The following SRGAP3 variants were observed in gnomAD, a reference collection of about 807,000 sequenced individuals.
SRGAP3 encodes the protein SLIT-ROBO Rho GTPase-activating protein 3.
In SRGAP3, 39 loss-of-function variants were observed where a neutral mutation model predicts 121.1. The observed-to-expected ratio is 0.32, with a 90% CI of 0.25 to 0.42. The LOEUF (loss-of-function observed/expected upper bound fraction) is 0.42. Ranked by LOEUF, SRGAP3 falls within the 10% of genes least tolerant of loss-of-function variation. SRGAP3 has a pLI of 1.00. For missense variants in SRGAP3, 1,213 were observed against 1,470.6 expected (o/e 0.82, Z 2.86); for synonymous variants, 601 against 570.0 (o/e 1.05, Z -0.77).
intron 6 of SRGAP3, chr3:9,058,689 C>A: frequency 1.8e-6 from 1 of 557,534 alleles, no homozygotes; most frequent in Non-Finnish European, 3.2e-6. Context: ...ACTAGGTTCC[C>A]TATATTCACC....
At chr3:9,035,495 C>T (rs1006719996) in intron 11 of SRGAP3, 2 of 180,748 alleles carry the variant, frequency 1.1e-5, no homozygotes, top group South Asian at 2.0e-4. Flanking sequence ...AAATCTATAT[C>T]GACTTACTGA....
At chr3:9,321,415 A>G (rs1293561526) in intron 3 of SRGAP3, among the ~76,000 whole-genome samples, 1 of 151,998 alleles carries the variant, frequency 6.6e-6, no homozygotes, top group Non-Finnish European at 1.5e-5. Context: ...AACTAATACA[A>G]GGACAAAACA....
chr3:9,136,122 C>T (rs915083897), intron 1 of SRGAP3, among the ~76,000 whole-genome samples: 1 of 152,250 alleles, frequency 6.6e-6, no homozygotes, highest in African/African-American at 2.4e-5. Context: ...CTTCCAGCCT[C>T]TCTGTGCTGG....
At chr3:9,346,182 T>G (rs1480630302) in intron 1 of SRGAP3, among the ~76,000 whole-genome samples, 1 of 152,144 alleles carries the variant, frequency 6.6e-6, no homozygotes, top group Admixed American at 6.5e-5. Flanking sequence ...TTCCACAATT[T>G]TCAAGGATTT....
At chr3:9,019,398 G>A (rs577327263) in intron 14 of SRGAP3, among the ~76,000 whole-genome samples, 1 of 152,322 alleles carries the variant, frequency 6.6e-6, no homozygotes, top group African/African-American at 2.4e-5. Context: ...TTTGCCAGTT[G>A]GACAAGGGAA....
chr3:9,084,258 T>C (rs990163454), intron 3 of SRGAP3, among the ~76,000 whole-genome samples: 1 of 152,274 alleles, frequency 6.6e-6, no homozygotes. Context: ...AGGAATTCAT[T>C]CCTCCAGGAG....
Position 9,058,644 on chromosome 3 carries a change from A to C in SRGAP3, c.802-172T>G. On this transcript the variant is annotated intron_variant, in intron 6 of 21. Transcript: ENST00000383836. ...TGCACAAACCTCACGGCGCCCCTCA[A>C]GGGGAGTTGCGGTTGAGATTTGGGC... 8 of 646,946 alleles carry C rather than the reference A, an allele frequency of 1.2e-5. No homozygotes were observed. The South Asian group carries it at 1.4e-4, about 12-fold the overall frequency. The allele number at this position is 646,946 out of a possible 1,614,324, so 40.1% of individuals were successfully genotyped here. A position where few individuals can be genotyped will look rare whatever the true frequency, so the allele number is the denominator to read the frequency against.
At chr3:9,103,503 G>T (rs1350131195) in intron 3 of SRGAP3, among the ~76,000 whole-genome samples, 1 of 152,106 alleles carries the variant, frequency 6.6e-6, no homozygotes. Context: ...ACAGAGCATT[G>T]AAGTAACAAG....
At chr3:9,121,974 C>T (rs888761615) in intron 2 of SRGAP3, among the ~76,000 whole-genome samples, 3 of 152,130 alleles carry the variant, frequency 2.0e-5, no homozygotes, top group Non-Finnish European at 4.4e-5. Context: ...TGCACCTAGG[C>T]CCTTTCTTAT....
At chr3:9,111,715 C>T (rs191390902) in intron 2 of SRGAP3, among the ~76,000 whole-genome samples, 3 of 152,272 alleles carry the variant, frequency 2.0e-5, no homozygotes, top group East Asian at 1.9e-4. Flanking sequence ...ACCCCTTTGA[C>T]CTGAGATCCA....
At chr3:9,259,731 C>T (rs556916377) in intron 3 of SRGAP3, among the ~76,000 whole-genome samples, 5 of 152,148 alleles carry the variant, frequency 3.3e-5, no homozygotes, top group Middle Eastern at 3.4e-3. Context: ...CTGTCCAATA[C>T]GATTGTCACT....
intron 3 of SRGAP3, among the ~76,000 whole-genome samples, chr3:9,286,615 G>T (rs549462759): frequency 8.1e-4 from 123 of 152,222 alleles, no homozygotes; most frequent in Non-Finnish European, 1.6e-3. Context: ...TGTTGTTGTT[G>T]TTTTTGAGAC....
chr3:9,015,724 G>T lies in SRGAP3; in HGVS notation c.1686C>A (p.Asp562Glu). The T allele has an allele frequency of 1.2e-6, 2 of 1,614,152 alleles. No individual in the cohort carries two copies. Among genetic ancestry groups the T allele is most frequent in the African/African-American group, 1.3e-5 (1 of 75,048 alleles). ...GTTCATTTTGATCGTCCACAAGGGG[G>T]TCTTCACCTGAGTGGAAACAAGAGA... ...DIKNSFERGE[D>E]PLVDDQNERD... The change falls in exon 15 of 22, where the codon GAC (aspartate) becomes GAA (glutamate). Residue 562 changes from aspartate (D) to glutamate (E), a missense_variant. Asp to Glu is a conservative substitution (Grantham distance 45). Around this residue, in one of 2 missense-constraint regions of SRGAP3, gnomAD observed 793 missense variants for 1,032.9 expected, o/e 0.77. Coordinates refer to ENST00000383836, the MANE Select transcript of SRGAP3 (RefSeq NM_014850.4).
intron 1 of SRGAP3, among the ~76,000 whole-genome samples, chr3:9,345,249 G>A (rs1261258604): frequency 1.3e-5 from 2 of 152,138 alleles, no homozygotes; most frequent in African/African-American, 4.8e-5. Context: ...TCAGCAATTC[G>A]GGAGGCCCAG....
At chr3:9,159,899 A>G (rs1950551570) in intron 1 of SRGAP3, among the ~76,000 whole-genome samples, 1 of 152,186 alleles carries the variant, frequency 6.6e-6, no homozygotes, top group Non-Finnish European at 1.5e-5. Flanking sequence ...AGAAGATGGA[A>G]GAAGGAAGAG....
At chr3:9,241,569 A>G (rs897336521) in intron 1 of SRGAP3, among the ~76,000 whole-genome samples, 5 of 152,246 alleles carry the variant, frequency 3.3e-5, no homozygotes, top group Admixed American at 3.3e-4. Context: ...ACCATTAAGA[A>G]TATTTCCTCT....
Position 9,289,669 on chromosome 3 carries a change from C to A in SRGAP3, n.442+36341G>T, listed in dbSNP as rs371975363. On this transcript the variant is annotated intron_variant and non_coding_transcript_variant, in intron 3 of 3. Coordinates refer to the SRGAP3 transcript ENST00000490889. ...GTGACAGATTTATTTCCAAATCACC[C>A]TCACACTAAATTACCATTACACTTG... Among the ~76,000 whole-genome samples the A allele has an allele frequency of 5.3e-5, 8 of 152,250 alleles. No individual in the cohort carries two copies. In the East Asian group the frequency reaches 1.3e-3, roughly 26 times the overall value.
At chr3:9,017,705 C>T (rs1943708244) in intron 14 of SRGAP3, among the ~76,000 whole-genome samples, 1 of 152,008 alleles carries the variant, frequency 6.6e-6, no homozygotes, top group Non-Finnish European at 1.5e-5. Context: ...ATAATAGAAA[C>T]CATTGAAATG....
At chr3:9,159,339 T>A (rs1950528736) in intron 1 of SRGAP3, among the ~76,000 whole-genome samples, 1 of 152,138 alleles carries the variant, frequency 6.6e-6, no homozygotes, top group Non-Finnish European at 1.5e-5. Context: ...CTGGGGCCAA[T>A]GCTTCAAATC....
Sources: gnomAD v4.1 joint callset for allele counts (sites outside exome capture counted in the v4.1 genomes callset) on GRCh38, gnomAD v4.1.1 for gene constraint, gnomAD v4.1.1 regional missense constraint, MANE v1.5 for transcripts, NCBI Gene and HGNC (gene_info 2026-07-23, HGNC 2026-07-21) for gene names.